The following BMPER variants were observed in gnomAD, a reference collection of about 807,000 sequenced individuals.
The protein encoded by BMPER is BMP binding endothelial regulator.
BMPER carries 45 observed loss-of-function variants against 87.3 expected under a neutral mutation model. The ratio of observed to expected loss-of-function variants is 0.52; its 90% CI spans 0.41 to 0.66. BMPER has a LOEUF of 0.66. Among genes scored for constraint, BMPER ranks in the 30% least tolerant of loss-of-function variants. The probability of loss-of-function intolerance (pLI) is 0.00; values close to 1 mark genes in which losing one functional copy is unlikely to be tolerated. For synonymous variants in BMPER, 326 were observed against 316.2 expected, an observed-to-expected ratio of 1.03 and a Z score of -0.33; for missense variants, 784 against 867.5, an observed-to-expected ratio of 0.90 and a Z score of 1.21.
intron 2 of BMPER, among the ~76,000 whole-genome samples, chr7:33,914,882 C>G (rs941038498): frequency 1.3e-5 from 2 of 152,118 alleles, no homozygotes; most frequent in Admixed American, 6.5e-5. Context: ...TTAAACATTG[C>G]AAAGACCTGG....
chr7:34,106,104 T>C (rs1789811867), intron 13 of BMPER, among the ~76,000 whole-genome samples: 1 of 152,268 alleles, frequency 6.6e-6, no homozygotes, highest in South Asian at 2.1e-4. Flanking sequence ...GTAGCTCTAC[T>C]GGGGGCACAC....
intron 7 of BMPER, among the ~76,000 whole-genome samples, chr7:34,049,331 G>A (rs908413186): frequency 6.6e-6 from 1 of 152,142 alleles, no homozygotes; most frequent in Non-Finnish European, 1.5e-5. Context: ...ACAATTTTAG[G>A]TAAAATTTTC....
At chr7:34,137,875 T>G (rs749083940) in intron 13 of BMPER, among the ~76,000 whole-genome samples, 1 of 152,174 alleles carries the variant, frequency 6.6e-6, no homozygotes, top group African/African-American at 2.4e-5. Flanking sequence ...ACTTTGAATT[T>G]TTTTTGTAGG....
chr7:34,116,524 T>C lies in BMPER; in HGVS notation c.1746-26706T>C, dbSNP rs542394045. ...TGACTCATTTTTCAGAATTACAGAA[T>C]GATGGGAGTTAATAGAGAATTGTGA... is the stretch of plus-strand genomic sequence containing the variant. On this transcript the variant is annotated intron_variant, in intron 13 of 14. Coordinates refer to ENST00000649409, the MANE Select transcript of BMPER (RefSeq NM_001365308.1). Among the ~76,000 whole-genome samples the C allele has an allele frequency of 1.9e-3, 282 of 152,362 alleles. 2 individuals are homozygous for C. Among genetic ancestry groups the C allele is most frequent in the South Asian group, 0.017 (80 of 4,828 alleles).
At position 34,090,439 on chromosome 7, in the gene BMPER, G is replaced by A. The variant is rs914315805; in HGVS notation, c.1745+4347G>A. ...TCCCTTCATGTCCCAGATGCCAACC[G>A]AGCAATCCAAGAGGAATAGGCAAAC... On this transcript the variant is annotated intron_variant, in intron 13 of 14. Coordinates refer to ENST00000649409, the MANE Select transcript of BMPER (RefSeq NM_001365308.1). Among the ~76,000 whole-genome samples the A allele has an allele frequency of 1.1e-4, 16 of 151,960 alleles. No homozygotes were observed. The East Asian group carries it at 1.6e-3, about 15-fold the overall frequency.
chr7:34,006,179 G>A (rs1381490297), intron 6 of BMPER, among the ~76,000 whole-genome samples: 1 of 151,928 alleles, frequency 6.6e-6, no homozygotes, highest in Non-Finnish European at 1.5e-5. Flanking sequence ...CTAAGATAAT[G>A]GCCAAAAATA....
chr7:34,117,583 C>T (rs748803558), intron 13 of BMPER, among the ~76,000 whole-genome samples: 2 of 152,156 alleles, frequency 1.3e-5, no homozygotes, highest in South Asian at 2.1e-4. Flanking sequence ...TATCATAACT[C>T]GAAGAAAGGT....
intron 13 of BMPER, among the ~76,000 whole-genome samples, chr7:34,103,231 A>G (rs369399618): frequency 1.4e-4 from 21 of 152,296 alleles, no homozygotes; most frequent in Admixed American, 5.9e-4. Context: ...ACATGGGTGT[A>G]GAGAGAATGA....
intron 13 of BMPER, among the ~76,000 whole-genome samples, chr7:34,098,901 T>G (rs186761966): frequency 6.6e-6 from 1 of 152,278 alleles, no homozygotes; most frequent in Non-Finnish European, 1.5e-5. Flanking sequence ...GAATAAAAGA[T>G]CAGATGTCTG....
At chr7:34,041,811 A>G (rs1418627934) in intron 6 of BMPER, among the ~76,000 whole-genome samples, 1 of 152,128 alleles carries the variant, frequency 6.6e-6, no homozygotes, top group Non-Finnish European at 1.5e-5. Flanking sequence ...TTTTTTCCCC[A>G]AAGAATTTGG....
chr7:34,088,144 T>C (rs1414806817), intron 13 of BMPER, among the ~76,000 whole-genome samples: 1 of 152,182 alleles, frequency 6.6e-6, no homozygotes, highest in East Asian at 1.9e-4. Context: ...GGGATCCTTG[T>C]GCATGGAGAT....
intron 11 of BMPER, among the ~76,000 whole-genome samples, chr7:34,071,949 A>G (rs1788746551): frequency 6.6e-6 from 1 of 152,140 alleles, no homozygotes; most frequent in Non-Finnish European, 1.5e-5. Context: ...ATTTCTTCAG[A>G]TTATCAAAGA....
chr7:33,985,148 T>C (rs1313703054), intron 6 of BMPER, among the ~76,000 whole-genome samples: 1 of 152,224 alleles, frequency 6.6e-6, no homozygotes, highest in Non-Finnish European at 1.5e-5. Flanking sequence ...AAGCATTGTA[T>C]GATAATTTCA....
Position 33,905,601 on chromosome 7 carries a change from C to G in BMPER, c.-13C>G. 1.2e-6 allele frequency: 2 copies of G among 1,611,620 alleles called. No homozygotes were observed. The highest frequency in any genetic ancestry group is 2.2e-5 in the East Asian group (1 of 44,836). On this transcript the variant is annotated 5_prime_UTR_variant, in exon 1 of 15. Transcript: ENST00000649409. ...CGGGACCTGCAGTCGCCAGGGATTC[C>G]CTCCAGGTGACGATGCTCTGGTTCT...
intron 8 of BMPER, among the ~76,000 whole-genome samples, chr7:34,053,774 T>C (rs1342476343): frequency 6.6e-6 from 1 of 151,874 alleles, no homozygotes; most frequent in Non-Finnish European, 1.5e-5. Context: ...GCAGAGGAAG[T>C]GGAAGGGGAG....
At chr7:33,909,030 G>A (rs1031536224) in intron 2 of BMPER, among the ~76,000 whole-genome samples, 2 of 152,178 alleles carry the variant, frequency 1.3e-5, no homozygotes, top group African/African-American at 4.8e-5. Flanking sequence ...TACCTAGGCT[G>A]GAAGGTAGAC....
At chr7:34,152,892 T>C (rs1263007985) in intron 14 of BMPER, among the ~76,000 whole-genome samples, 200 bp from the exon 15 acceptor site, 2 of 152,180 alleles carry the variant, frequency 1.3e-5, no homozygotes, top group Non-Finnish European at 2.9e-5. Context: ...CTACCTGCAT[T>C]TGTTTTTATA....
chr7:34,049,348 G>A (rs1167819196), intron 7 of BMPER, among the ~76,000 whole-genome samples: 3 of 152,150 alleles, frequency 2.0e-5, no homozygotes, highest in Non-Finnish European at 4.4e-5. Context: ...TTTCATTTTA[G>A]TGAGGAAGAG....
At chr7:34,140,017 T>A (rs2127993793) in intron 13 of BMPER, among the ~76,000 whole-genome samples, 1 of 152,338 alleles carries the variant, frequency 6.6e-6, no homozygotes, top group African/African-American at 2.4e-5. Flanking sequence ...AGTTGCTCTC[T>A]AGAAAGATCG....
Sources: allele counts gnomAD v4.1 joint callset (sites outside exome capture counted in the v4.1 genomes callset), GRCh38; gene constraint gnomAD v4.1.1; transcripts MANE v1.5; gene names NCBI Gene and HGNC (gene_info 2026-07-23, HGNC 2026-07-21).